PHACTR1: variants seen among roughly 807,000 people sequenced by gnomAD.
The protein encoded by PHACTR1 is phosphatase and actin regulator 1.
Under a neutral mutation model 69.2 loss-of-function variants are expected in PHACTR1, and 16 were observed. The observed-to-expected ratio is 0.23, with a 90% CI of 0.16 to 0.35. PHACTR1 has a LOEUF of 0.35. Among genes scored for constraint, PHACTR1 ranks in the 10% least tolerant of loss-of-function variants. The pLI, the probability that PHACTR1 is intolerant of heterozygous loss-of-function variation, is 1.00. For synonymous variants in PHACTR1, 312 were observed against 284.5 expected (o/e 1.10, Z -0.97); for missense variants, 510 against 734.7 (o/e 0.69, Z 3.54).
chr6:12,747,153 A>G (rs1052549110), intron 3 of PHACTR1, among the ~76,000 whole-genome samples: 2 of 152,200 alleles, frequency 1.3e-5, no homozygotes, highest in African/African-American at 4.8e-5. Flanking sequence ...CATATGTCAT[A>G]GAACAGTGAA....
At chr6:13,251,544 ATGTG>A (rs912823371) in intron 10 of PHACTR1, among the ~76,000 whole-genome samples, 1 of 152,116 alleles carries the variant, frequency 6.6e-6, no homozygotes, top group African/African-American at 2.4e-5. Context: ...TTCATGGTGC[ATGTG>A]TGTGTTGAGT....
At chr6:13,081,239 A>G (rs1811324619) in intron 5 of PHACTR1, among the ~76,000 whole-genome samples, 1 of 152,202 alleles carries the variant, frequency 6.6e-6, no homozygotes, top group African/African-American at 2.4e-5. Flanking sequence ...GGGTTCTACT[A>G]GAAGATGAAC....
At position 13,256,003 on chromosome 6, in the gene PHACTR1, G is replaced by T. The variant is rs148986923; in HGVS notation, c.1392-16857G>T. Among the ~76,000 whole-genome samples, 195 of 152,368 alleles carry T rather than the reference G, an allele frequency of 1.3e-3. 1 individual carries two copies. The highest frequency in any genetic ancestry group is 4.5e-3 in the African/African-American group (187 of 41,586). On this transcript the variant is annotated intron_variant, in intron 10 of 14. Transcript: ENST00000332995. ...TTTCCCTCTGCGCTGCCTTAGCAGA[G>T]GTTCTCCATGAGGGCTCTGCCCCTG...
chr6:12,921,069 C>CT (rs1787599212), intron 4 of PHACTR1, among the ~76,000 whole-genome samples: 1 of 152,230 alleles, frequency 6.6e-6, no homozygotes, highest in African/African-American at 2.4e-5. Context: ...AAATGAGACA[C>CT]TTAGGGTGCA....
chr6:13,220,226 G>A (rs971843425), intron 8 of PHACTR1, among the ~76,000 whole-genome samples: 3 of 152,188 alleles, frequency 2.0e-5, no homozygotes, highest in Admixed American at 6.5e-5. Flanking sequence ...CCGAAATGGT[G>A]CATCTATCTG....
intron 5 of PHACTR1, among the ~76,000 whole-genome samples, chr6:13,072,467 T>C (rs1277764515): frequency 7.9e-6 from 1 of 126,746 alleles, no homozygotes; most frequent in African/African-American, 2.5e-5. Flanking sequence ...TACATTATGA[T>C]CATTTATACA....
At chr6:12,760,857 C>T (rs1384470817) in intron 4 of PHACTR1, among the ~76,000 whole-genome samples, 2 of 152,146 alleles carry the variant, frequency 1.3e-5, no homozygotes, top group African/African-American at 2.4e-5. Context: ...CACTTGAATC[C>T]GGGAGGCGCA....
At chr6:13,030,206 G>C (rs920633247) in intron 4 of PHACTR1, among the ~76,000 whole-genome samples, 2 of 134,022 alleles carry the variant, frequency 1.5e-5, no homozygotes, top group African/African-American at 5.3e-5. Context: ...ATTCATGCTT[G>C]TGAGTGCAAC....
At chr6:12,777,291 T>C (rs887382001) in intron 4 of PHACTR1, among the ~76,000 whole-genome samples, 5 of 151,476 alleles carry the variant, frequency 3.3e-5, no homozygotes, top group African/African-American at 1.2e-4. Flanking sequence ...AGGTTTGTTA[T>C]ATAGGTACAT....
chr6:13,052,223 C>G (rs905057462), intron 4 of PHACTR1, among the ~76,000 whole-genome samples: 2 of 152,340 alleles, frequency 1.3e-5, no homozygotes, highest in Admixed American at 1.3e-4. Context: ...AATACAACTG[C>G]CACAGCACAC....
intron 5 of PHACTR1, among the ~76,000 whole-genome samples, chr6:13,057,087 G>A: frequency 6.6e-6 from 1 of 152,266 alleles, no homozygotes; most frequent in Non-Finnish European, 1.5e-5. Flanking sequence ...TTTGATAATA[G>A]CGTAGACTAT....
chr6:13,034,279 A>G (rs1802946683), intron 4 of PHACTR1, among the ~76,000 whole-genome samples: 1 of 151,940 alleles, frequency 6.6e-6, no homozygotes, highest in African/African-American at 2.4e-5. Context: ...GGCCTCCCAA[A>G]GTGCTGGGAT....
chr6:12,996,995 A>G (rs937541218), intron 4 of PHACTR1, among the ~76,000 whole-genome samples: 2 of 152,094 alleles, frequency 1.3e-5, no homozygotes, highest in Admixed American at 6.5e-5. Flanking sequence ...GAGAAACCTC[A>G]TCTCTACCAA....
chr6:13,191,343 G>A (rs545219673), intron 7 of PHACTR1, among the ~76,000 whole-genome samples: 1 of 152,178 alleles, frequency 6.6e-6, no homozygotes, highest in Non-Finnish European at 1.5e-5. Flanking sequence ...CAGCCATAAG[G>A]TTTATTATAC....
At chr6:12,870,434 C>T (rs80237339) in intron 4 of PHACTR1, among the ~76,000 whole-genome samples, 2 of 152,186 alleles carry the variant, frequency 1.3e-5, no homozygotes, top group East Asian at 1.9e-4. Flanking sequence ...TTTATCAACT[C>T]CCCATTTGGA....
chr6:12,803,754 G>A (rs1180072848), intron 4 of PHACTR1, among the ~76,000 whole-genome samples: 1 of 152,182 alleles, frequency 6.6e-6, no homozygotes, highest in Non-Finnish European at 1.5e-5. Flanking sequence ...CTCGTGCCTT[G>A]CAGGTTATTT....
At chr6:13,109,534 T>G (rs182843559) in intron 5 of PHACTR1, among the ~76,000 whole-genome samples, 2 of 152,142 alleles carry the variant, frequency 1.3e-5, no homozygotes, top group African/African-American at 4.8e-5. Flanking sequence ...ATCTAATATT[T>G]TTTCTCTCTG....
intron 8 of PHACTR1, among the ~76,000 whole-genome samples, chr6:13,209,483 C>T (rs1459782736): frequency 6.6e-6 from 1 of 152,212 alleles, no homozygotes; most frequent in Non-Finnish European, 1.5e-5. Context: ...ATTGCTGCCC[C>T]CTGAAATCTC....
At chr6:12,940,780 A>C (rs559721212) in intron 4 of PHACTR1, among the ~76,000 whole-genome samples, 2 of 152,278 alleles carry the variant, frequency 1.3e-5, no homozygotes, top group African/African-American at 4.8e-5. Flanking sequence ...GCCTCCCATT[A>C]GTGGGACTAT....
Sources: allele counts gnomAD v4.1 joint callset (sites outside exome capture counted in the v4.1 genomes callset), GRCh38; gene constraint gnomAD v4.1.1; transcripts MANE v1.5; gene names NCBI Gene and HGNC (gene_info 2026-07-23, HGNC 2026-07-21).